PSMA1: variants seen among roughly 807,000 people sequenced by gnomAD.
PSMA1 encodes proteasome 20S subunit alpha 1, also known as proteasome subunit alpha type-1.
A neutral mutation model predicts 38.4 loss-of-function variants in PSMA1; 3 were observed. The ratio of observed to expected loss-of-function variants is 0.08; its 90% CI spans 0.04 to 0.20. The LOEUF is 0.20. PSMA1 is among the 10% of genes least tolerant of loss of function. PSMA1 has a pLI of 1.00. For synonymous variants in PSMA1, 101 were observed against 107.1 expected, an observed-to-expected ratio of 0.94 and a Z score of 0.35; for missense variants, 227 against 325.3, an observed-to-expected ratio of 0.70 and a Z score of 2.32.
At chr11:14,638,993 G>A (rs534152141) in intron 1 of PSMA1, among the ~76,000 whole-genome samples, 81 of 152,090 alleles carry the variant, frequency 5.3e-4, no homozygotes, top group African/African-American at 1.6e-3. Context: ...CTGGGTAAGC[G>A]TTATAGATTT....
At chr11:14,566,679 CAG>C (rs1039867478) in intron 2 of PSMA1, among the ~76,000 whole-genome samples, 1 of 152,048 alleles carries the variant, frequency 6.6e-6, no homozygotes, top group African/African-American at 2.4e-5. Context: ...TGGAGAGACA[CAG>C]GGAAAAATTC....
intron 2 of PSMA1, among the ~76,000 whole-genome samples, chr11:14,603,104 A>G (rs1852604247): frequency 6.6e-6 from 1 of 152,198 alleles, no homozygotes; most frequent in African/African-American, 2.4e-5. Flanking sequence ...GAGGTAACCA[A>G]CGCAAAATTA....
chr11:14,530,835 G>C (rs1420901228), intron 2 of PSMA1, among the ~76,000 whole-genome samples: 1 of 150,954 alleles, frequency 6.6e-6, no homozygotes, highest in East Asian at 1.9e-4. Context: ...CTGGGAGGTG[G>C]AGGTTGCAGT....
At chr11:14,588,650 C>G (rs1446740361) in intron 2 of PSMA1, among the ~76,000 whole-genome samples, 1 of 152,160 alleles carries the variant, frequency 6.6e-6, no homozygotes, top group Non-Finnish European at 1.5e-5. Context: ...AGCATTTCTC[C>G]ATCTGTTTAG....
Position 14,631,119 on chromosome 11 carries a change from C to T in PSMA1, c.-166+12336G>A, listed in dbSNP as rs867674713. 1.8e-3 allele frequency among the ~76,000 whole-genome samples: 269 copies of T among 151,986 alleles called. 1 individual carries two copies. The highest frequency in any genetic ancestry group is 2.6e-3 in the Non-Finnish European group (180 of 67,958). Reference sequence around the variant, plus strand: ...TGTTGATCCTTTCAAAAAACCAGCTCCTGGATTCATTAATTTTTTGAAGGG... The same window carrying T: ...TGTTGATCCTTTCAAAAAACCAGCTTCTGGATTCATTAATTTTTTGAAGGG... On this transcript the variant is annotated intron_variant, in intron 1 of 10. Coordinates refer to the PSMA1 transcript ENST00000418988.
intron 1 of PSMA1, among the ~76,000 whole-genome samples, chr11:14,637,109 T>C (rs973290347): frequency 3.3e-5 from 5 of 152,186 alleles, no homozygotes; most frequent in Non-Finnish European, 1.5e-5. Flanking sequence ...CAGAATGGCC[T>C]ATAGGGATTC....
intron 2 of PSMA1, among the ~76,000 whole-genome samples, chr11:14,593,485 T>C (rs1367644718): frequency 6.6e-6 from 1 of 152,144 alleles, no homozygotes; most frequent in East Asian, 1.9e-4. Context: ...CATAACTTCA[T>C]TGTAATTCAA....
intron 2 of PSMA1, among the ~76,000 whole-genome samples, chr11:14,586,889 T>C (rs1000646339): frequency 2.0e-5 from 3 of 152,054 alleles, no homozygotes; most frequent in African/African-American, 7.2e-5. Flanking sequence ...GCCTCCTTAG[T>C]AGCTGGGATT....
chr11:14,517,654 G>A lies in PSMA1; in HGVS notation c.242C>T (p.Ala81Val). Residue 81 changes from alanine to valine, a missense_variant, in exon 4 of 10, where the codon GCT becomes GTT. Ala to Val is a moderately conservative substitution (Grantham distance 64). Transcript: ENST00000396394. Reference sequence around the variant, plus strand: ...TGATTATACTTACCATAACAGTCTAGCATCAGCAGTAAGCCCCGCAATTGA... The same window carrying A: ...TGATTATACTTACCATAACAGTCTAACATCAGCAGTAAGCCCCGCAATTGA... ...GISIAGLTAD[A>V]RLLCNFMRQE... 1 of 1,588,636 alleles carries A rather than the reference G, an allele frequency of 6.3e-7. No individual in the cohort carries two copies. Among genetic ancestry groups the A allele is most frequent in the Non-Finnish European group, 8.5e-7 (1 of 1,170,464 alleles).
intron 2 of PSMA1, among the ~76,000 whole-genome samples, chr11:14,528,012 C>T (rs1300334353): frequency 6.6e-6 from 1 of 152,076 alleles, no homozygotes; most frequent in Non-Finnish European, 1.5e-5. Context: ...GTCACTCCCT[C>T]CTAGCTGTTT....
chr11:14,638,539 C>A (rs867968361), intron 1 of PSMA1, among the ~76,000 whole-genome samples: 3 of 19,204 alleles, frequency 1.6e-4, no homozygotes, highest in Middle Eastern at 0.018. Flanking sequence ...CTCTCTCTCT[C>A]TCTCTCTATA....
chr11:14,556,938 C>T (rs1050397260), intron 2 of PSMA1, among the ~76,000 whole-genome samples: 7 of 152,148 alleles, frequency 4.6e-5, no homozygotes, highest in South Asian at 2.1e-4. Flanking sequence ...TGGGCTCAAG[C>T]AATCCTTCCA....
intron 2 of PSMA1, among the ~76,000 whole-genome samples, chr11:14,547,375 C>A (rs930303565): frequency 6.6e-6 from 1 of 152,222 alleles, no homozygotes; most frequent in East Asian, 1.9e-4. Context: ...TATTTCTTTT[C>A]GTCATTAACA....
At chr11:14,612,714 A>G (rs1179878301) in intron 1 of PSMA1, among the ~76,000 whole-genome samples, 2 of 152,178 alleles carry the variant, frequency 1.3e-5, no homozygotes, top group Non-Finnish European at 2.9e-5. Context: ...CATTTTTAGT[A>G]TCCTCTGTAT....
chr11:14,569,635 C>T (rs915612069), intron 2 of PSMA1, among the ~76,000 whole-genome samples: 2 of 152,198 alleles, frequency 1.3e-5, no homozygotes, highest in South Asian at 2.1e-4. Flanking sequence ...TGAGATCAAA[C>T]GGCAAGGCGG....
At chr11:14,589,236 T>A (rs1054499521) in intron 2 of PSMA1, among the ~76,000 whole-genome samples, 3 of 152,106 alleles carry the variant, frequency 2.0e-5, no homozygotes, top group Admixed American at 1.3e-4. Flanking sequence ...TTCTACTTTC[T>A]TTTTCCCCAT....
At chr11:14,634,904 A>G in intron 1 of PSMA1, among the ~76,000 whole-genome samples, 1 of 152,204 alleles carries the variant, frequency 6.6e-6, no homozygotes, top group East Asian at 1.9e-4. Context: ...GAGATTGATG[A>G]AGGATGAAGA....
chr11:14,623,043 G>C (rs1409645412), intron 1 of PSMA1, among the ~76,000 whole-genome samples: 1 of 152,194 alleles, frequency 6.6e-6, no homozygotes, highest in Non-Finnish European at 1.5e-5. Flanking sequence ...TACAAGTTTG[G>C]TTCTGCTGGA....
chr11:14,589,562 C>T (rs2134187408), intron 2 of PSMA1, among the ~76,000 whole-genome samples: 1 of 152,030 alleles, frequency 6.6e-6, no homozygotes, highest in Middle Eastern at 3.4e-3. Flanking sequence ...AGACCCAGAG[C>T]TTACACACCG....
Sources: gnomAD v4.1 joint callset for allele counts (sites outside exome capture counted in the v4.1 genomes callset) on GRCh38, gnomAD v4.1.1 for gene constraint, MANE v1.5 for transcripts, NCBI Gene and HGNC (gene_info 2026-07-23, HGNC 2026-07-21) for gene names.